Variants in SLC24A2 observed in about 807,000 individuals in gnomAD.
The protein encoded by SLC24A2 is sodium/potassium/calcium exchanger 2.
Under a neutral mutation model 62.0 loss-of-function variants are expected in SLC24A2, and 36 were observed. That is an observed-to-expected ratio of 0.58 (90% CI 0.44 to 0.77). The LOEUF (loss-of-function observed/expected upper bound fraction) is 0.77. Ranked by LOEUF, SLC24A2 falls within the 30% of genes least tolerant of loss-of-function variation. The pLI, the probability that SLC24A2 is intolerant of heterozygous loss-of-function variation, is 0.00. For missense variants in SLC24A2, 846 were observed against 817.9 expected (o/e 1.03, Z -0.42); for synonymous variants, 358 against 294.0 (o/e 1.22, Z -2.23).
the SLC24A2 span, among the ~76,000 whole-genome samples, chr9:20,090,855 G>A: frequency 6.6e-6 from 1 of 152,156 alleles, no homozygotes; most frequent in African/African-American, 2.4e-5. Flanking sequence ...AAACCAGGCT[G>A]TGTTGACTGA....
intron 4 of SLC24A2, among the ~76,000 whole-genome samples, chr9:19,617,256 T>G (rs997933756): frequency 6.6e-6 from 1 of 152,110 alleles, no homozygotes; most frequent in African/African-American, 2.4e-5. Context: ...ATGCAAATGC[T>G]GATTTGAGAG....
chr9:19,777,324 A>G (rs992649056), intron 2 of SLC24A2, among the ~76,000 whole-genome samples: 3 of 152,252 alleles, frequency 2.0e-5, no homozygotes, highest in African/African-American at 7.2e-5. Flanking sequence ...CGTTTCATCT[A>G]TGAAATTGGA....
chr9:19,975,639 T>C, the SLC24A2 span, among the ~76,000 whole-genome samples: 2 of 152,260 alleles, frequency 1.3e-5, no homozygotes, highest in Non-Finnish European at 2.9e-5. Context: ...GATTCATTTA[T>C]GTTTATCTTT....
At chr9:19,698,754 T>A (rs1044226805) in intron 2 of SLC24A2, among the ~76,000 whole-genome samples, 31 of 152,154 alleles carry the variant, frequency 2.0e-4, no homozygotes, top group Non-Finnish European at 3.2e-4. Flanking sequence ...CACACAGAGT[T>A]CACTCTCTGT....
At chr9:20,209,438 CT>C in the SLC24A2 span, among the ~76,000 whole-genome samples, 1 of 152,162 alleles carries the variant, frequency 6.6e-6, no homozygotes, top group Non-Finnish European at 1.5e-5. Context: ...TAAGAAACCC[CT>C]CTCTATTAAA....
chr9:19,707,018 T>C (rs1429047253), intron 2 of SLC24A2, among the ~76,000 whole-genome samples: 1 of 150,872 alleles, frequency 6.6e-6, no homozygotes, highest in South Asian at 2.1e-4. Context: ...GCAAGACTAA[T>C]AAAGAAGAAA....
intron 2 of SLC24A2, among the ~76,000 whole-genome samples, chr9:19,781,765 C>T (rs1439012847): frequency 6.6e-6 from 1 of 152,044 alleles, no homozygotes; most frequent in South Asian, 2.1e-4. Context: ...ATATAAGGAC[C>T]ATCTTACCTA....
chr9:19,929,296 A>G, the SLC24A2 span: 2 of 152,206 alleles, frequency 1.3e-5, no homozygotes, highest in Admixed American at 6.5e-5. Context: ...CAAGATGCCC[A>G]TGGACTCTTA....
chr9:19,767,283 C>T (rs529940132), intron 2 of SLC24A2, among the ~76,000 whole-genome samples: 265 of 152,284 alleles, frequency 1.7e-3, no homozygotes, highest in Non-Finnish European at 2.7e-3. Flanking sequence ...GGCTTCAGCC[C>T]CCTTTTCAGG....
intron 5 of SLC24A2, among the ~76,000 whole-genome samples, chr9:19,580,506 A>G (rs950291469): frequency 7.9e-5 from 12 of 152,222 alleles, no homozygotes; most frequent in African/African-American, 2.9e-4. Flanking sequence ...AGCGTGAAGG[A>G]CCTGGGGCAG....
At chr9:20,298,787 C>A in the SLC24A2 span, among the ~76,000 whole-genome samples, 3 of 152,196 alleles carry the variant, frequency 2.0e-5, no homozygotes, top group Admixed American at 6.5e-5. Flanking sequence ...GGATCTGAGG[C>A]AAGAGAGTTG....
the SLC24A2 span, among the ~76,000 whole-genome samples, chr9:20,075,258 A>T: frequency 6.6e-6 from 1 of 152,210 alleles, no homozygotes; most frequent in Non-Finnish European, 1.5e-5. Context: ...CACCATGTTG[A>T]GTGCTTTACA....
the SLC24A2 span, among the ~76,000 whole-genome samples, chr9:20,132,267 T>C: frequency 2.6e-5 from 4 of 151,960 alleles, no homozygotes; most frequent in South Asian, 2.1e-4. Context: ...AGCACACCCA[T>C]TGGAACCGAG....
the SLC24A2 span, among the ~76,000 whole-genome samples, chr9:20,048,073 G>A: frequency 6.6e-6 from 1 of 152,122 alleles, no homozygotes; most frequent in Non-Finnish European, 1.5e-5. Context: ...GGATTGGGAT[G>A]CAAGACACCA....
chr9:19,649,194 A>G (rs893267353), intron 2 of SLC24A2, among the ~76,000 whole-genome samples: 5 of 152,132 alleles, frequency 3.3e-5, no homozygotes, highest in Non-Finnish European at 7.4e-5. Context: ...AACTATAGCT[A>G]AATAGCTTTG....
At chr9:20,212,599 C>T in the SLC24A2 span, among the ~76,000 whole-genome samples, 2 of 151,732 alleles carry the variant, frequency 1.3e-5, no homozygotes, top group South Asian at 2.1e-4. Context: ...GGTAAATAAA[C>T]CAGAACCCTC....
chr9:20,041,673 T>C, the SLC24A2 span, among the ~76,000 whole-genome samples: 1 of 152,212 alleles, frequency 6.6e-6, no homozygotes, highest in Non-Finnish European at 1.5e-5. Context: ...GGAAAATTGA[T>C]AGTATTTGAT....
At chr9:19,741,805 A>G (rs1821686724) in intron 2 of SLC24A2, among the ~76,000 whole-genome samples, 1 of 152,196 alleles carries the variant, frequency 6.6e-6, no homozygotes, top group South Asian at 2.1e-4. Context: ...TATTGAGCAT[A>G]CATTTGTGTA....
chr9:20,140,016 C>T, the SLC24A2 span, among the ~76,000 whole-genome samples: 5 of 152,168 alleles, frequency 3.3e-5, no homozygotes. Flanking sequence ...GCGTGCTGCT[C>T]ATTAGTGGTA....
Sources: allele counts gnomAD v4.1 joint callset (sites outside exome capture counted in the v4.1 genomes callset), GRCh38; gene constraint gnomAD v4.1.1; transcripts MANE v1.5; gene names NCBI Gene and HGNC (gene_info 2026-07-23, HGNC 2026-07-21).